Variants in LRCH3 observed in about 807,000 individuals in gnomAD.
The protein encoded by LRCH3 is DISP complex protein LRCH3.
In LRCH3, 68 loss-of-function variants were observed where a neutral mutation model predicts 104.5. That is an observed-to-expected ratio of 0.65 (90% CI 0.54 to 0.80). The LOEUF (loss-of-function observed/expected upper bound fraction) is 0.80, where lower values mean the gene tolerates loss of function less well. Among genes scored for constraint, LRCH3 ranks in the 30% least tolerant of loss-of-function variants. The pLI is 0.00. For synonymous variants in LRCH3, 344 were observed against 361.3 expected, an observed-to-expected ratio of 0.95 and a Z score of 0.54; for missense variants, 951 against 953.9, an observed-to-expected ratio of 1.00 and a Z score of 0.04.
chr3:197,798,454 G>C (rs1000121721), intron 1 of LRCH3, among the ~76,000 whole-genome samples: 3 of 152,212 alleles, frequency 2.0e-5, no homozygotes, highest in Non-Finnish European at 4.4e-5. Context: ...GCCTACAGGT[G>C]AGAGCAGGAT....
intron 10 of LRCH3, among the ~76,000 whole-genome samples, chr3:197,846,129 G>A (rs1054812309): frequency 6.6e-5 from 10 of 151,758 alleles, no homozygotes; most frequent in African/African-American, 1.5e-4. Flanking sequence ...AGGGCGTGGC[G>A]TGGTGGCCCA....
chr3:197,842,103 G>A (rs1274940753), intron 10 of LRCH3, among the ~76,000 whole-genome samples: 1 of 152,072 alleles, frequency 6.6e-6, no homozygotes, highest in Non-Finnish European at 1.5e-5. Flanking sequence ...CTGCCAAAGC[G>A]CTGGGATTAC....
chr3:197,858,653 T>C (rs1740547147), intron 14 of LRCH3, among the ~76,000 whole-genome samples, 181 bp from the exon 15 acceptor site: 1 of 152,160 alleles, frequency 6.6e-6, no homozygotes, highest in Non-Finnish European at 1.5e-5. Flanking sequence ...GTGGAAAAAC[T>C]GTGTCCATGG....
At chr3:197,796,514 C>A (rs78736748) in intron 1 of LRCH3, among the ~76,000 whole-genome samples, 7,425 of 152,238 alleles carry the variant, frequency 0.049, 339 homozygotes, top group African/African-American at 0.12. Flanking sequence ...AGTCCAAGAT[C>A]ACTGTTAAAC....
intron 10 of LRCH3, among the ~76,000 whole-genome samples, chr3:197,845,863 C>T (rs556781872): frequency 3.9e-5 from 6 of 152,298 alleles, no homozygotes; most frequent in African/African-American, 1.2e-4. Context: ...GAGATCGTGC[C>T]ACTGCACTCC....
chr3:197,799,179 A>G (rs1731598361), intron 1 of LRCH3, among the ~76,000 whole-genome samples: 1 of 152,184 alleles, frequency 6.6e-6, no homozygotes, highest in African/African-American at 2.4e-5. Context: ...TACAGTGGCT[A>G]TATTTGGGAG....
intron 12 of LRCH3, chr3:197,851,061 A>G (rs2109409674): frequency 1.7e-5 from 11 of 655,330 alleles, no homozygotes; most frequent in South Asian, 1.4e-4. Flanking sequence ...TTAAATACTC[A>G]GGAAGTGGCA....
chr3:197,821,242 T>C (rs1256002022), intron 4 of LRCH3, among the ~76,000 whole-genome samples: 2 of 152,126 alleles, frequency 1.3e-5, no homozygotes, highest in East Asian at 3.8e-4. Context: ...GTAGAGTGAA[T>C]GATAAATGGG....
intron 1 of LRCH3, among the ~76,000 whole-genome samples, chr3:197,808,522 A>G (rs1732755356): frequency 6.6e-6 from 1 of 152,158 alleles, no homozygotes. Flanking sequence ...CTCAGTTTTC[A>G]TTCATCTGAG....
rs1050874009 is a variant in LRCH3 at position 197,878,566 on chromosome 3, C to T, written c.2208+2791C>T. The stretch of plus-strand genomic sequence containing the variant: ...CACCAGAAAGAGGAAATGGACGTTC[C>T]CATAGGCTGCCCCTTCCTTCTCCCC... On this transcript the variant is annotated intron_variant, in intron 20 of 20. Coordinates refer to ENST00000425562, the MANE Select transcript of LRCH3 (RefSeq NM_001365715.1). Among the ~76,000 whole-genome samples the T allele has an allele frequency of 2.6e-5, 4 of 152,304 alleles. No individual in the cohort carries two copies. In the East Asian group the frequency reaches 7.7e-4, roughly 29 times the overall value.
At chr3:197,838,284 T>C (rs1737201515) in intron 9 of LRCH3, among the ~76,000 whole-genome samples, 1 of 152,198 alleles carries the variant, frequency 6.6e-6, no homozygotes. Context: ...AATGGTGTCT[T>C]CACTAAAATT....
chr3:197,856,938 A>C lies in LRCH3; in HGVS notation c.1645-1896A>C, dbSNP rs1157485096. Among the ~76,000 whole-genome samples the C allele has an allele frequency of 6.6e-6, 1 of 152,278 alleles. No individual in the cohort carries two copies. The highest frequency in any genetic ancestry group is 1.5e-5 in the Non-Finnish European group (1 of 68,050). ...ATAAGGTAAATGCTGAATTTGATTT[A>C]AAGACCTTGAAACTTACGATTTGAA... On this transcript the variant is annotated intron_variant, in intron 14 of 20. Transcript: ENST00000425562. This position sits in a 1 kb window ranked among gnomAD's most constrained non-coding sequence, Gnocchi z 4.2.
chr3:197,829,775 C>T, intron 6 of LRCH3, 102 bp downstream of exon 6: 1 of 752,688 alleles, frequency 1.3e-6, no homozygotes, highest in Admixed American at 2.9e-5. Flanking sequence ...GGGAAATAAC[C>T]TGTTTTAACA....
chr3:197,797,883 C>A (rs6801726), intron 1 of LRCH3, among the ~76,000 whole-genome samples: 1,455 of 82,888 alleles, frequency 0.018, 23 homozygotes, highest in African/African-American at 0.049. Context: ...ACAAAAAAAA[C>A]AAAAAAAAAA....
At chr3:197,793,618 A>G (rs988328990) in intron 1 of LRCH3, among the ~76,000 whole-genome samples, 2 of 152,218 alleles carry the variant, frequency 1.3e-5, no homozygotes, top group East Asian at 3.8e-4. Flanking sequence ...TTATTGACTA[A>G]GAAAATCCAA....
chr3:197,828,321 C>A (rs1241122598), intron 5 of LRCH3, among the ~76,000 whole-genome samples: 1 of 151,950 alleles, frequency 6.6e-6, no homozygotes, highest in East Asian at 1.9e-4. Flanking sequence ...TTTTTGCCAA[C>A]TCATTATTTT....
chr3:197,836,319 A>G (rs1736786355), intron 9 of LRCH3, among the ~76,000 whole-genome samples: 1 of 152,230 alleles, frequency 6.6e-6, no homozygotes, highest in Non-Finnish European at 1.5e-5. Flanking sequence ...ATTGTTTGCT[A>G]TTAAAGTTCT....
At chr3:197,876,062 A>G (rs1030571521) in intron 20 of LRCH3, 1 of 215,038 alleles carries the variant, frequency 4.7e-6, no homozygotes, top group African/African-American at 2.3e-5. Flanking sequence ...AACTAAATAT[A>G]TCCTTCAAAA....
rs554140950 is a variant in LRCH3, at chr3:197,846,413, G to A, written c.1329-996G>A. ...AAAAAAAAAAAAACAAAAAAAAAACGGCTGGGCGCAGTGGCTCACACGCCT... is the reference window on the plus strand; with the variant it reads ...AAAAAAAAAAAAACAAAAAAAAAACAGCTGGGCGCAGTGGCTCACACGCCT... On this transcript the variant is annotated intron_variant, in intron 10 of 20. Coordinates refer to ENST00000425562, the MANE Select transcript of LRCH3 (RefSeq NM_001365715.1). Among the ~76,000 whole-genome samples, 6 of 139,904 alleles carry A rather than the reference G, an allele frequency of 4.3e-5. No homozygotes were observed. The South Asian group carries it at 1.1e-3, about 25-fold the overall frequency. The allele number at this position is 139,904 out of a possible 152,430, so 91.8% of individuals were successfully genotyped here.
Sources: allele counts gnomAD v4.1 joint callset (sites outside exome capture counted in the v4.1 genomes callset), GRCh38; gene constraint gnomAD v4.1.1; non-coding constraint Gnocchi (gnomAD v3.1); transcripts MANE v1.5; gene names NCBI Gene and HGNC (gene_info 2026-07-23, HGNC 2026-07-21).